The following ANKRD44 variants were observed in gnomAD, a reference collection of about 807,000 sequenced individuals.
The protein encoded by ANKRD44 is ankyrin repeat domain 44, also known as serine/threonine-protein phosphatase 6 regulatory ankyrin repeat subunit B.
ANKRD44 carries 35 observed loss-of-function variants against 116.0 expected under a neutral mutation model. That is an observed-to-expected ratio of 0.30 (90% CI 0.23 to 0.40). The LOEUF (loss-of-function observed/expected upper bound fraction) is 0.40. Ranked by LOEUF, ANKRD44 falls within the 10% of genes least tolerant of loss-of-function variation. ANKRD44 has a pLI of 1.00. For synonymous variants in ANKRD44, 435 were observed against 461.8 expected (o/e 0.94, Z 0.74); for missense variants, 1,014 against 1,242.6 (o/e 0.82, Z 2.77).
At chr2:197,106,791 A>AATAT (rs564262926) in intron 9 of ANKRD44, among the ~76,000 whole-genome samples, 15,227 of 127,204 alleles carry the variant, frequency 0.12, 1,254 homozygotes, top group Middle Eastern at 0.22. Context: ...CTCCGTCTCA[A>AATAT]ATATATATAT....
intron 2 of ANKRD44, among the ~76,000 whole-genome samples, chr2:197,185,400 C>T (rs73991242): frequency 0.064 from 9,804 of 152,274 alleles, 1,061 homozygotes; most frequent in African/African-American, 0.22. Flanking sequence ...ATTCAGCCGA[C>T]CAGACAGACG....
chr2:197,017,491 AT>A (rs1258702560), intron 17 of ANKRD44, among the ~76,000 whole-genome samples: 19 of 152,206 alleles, frequency 1.2e-4, no homozygotes, highest in Middle Eastern at 3.4e-3. Flanking sequence ...TACATTAAAT[AT>A]TTTTTTCTCA....
chr2:197,278,868 G>A (rs369165383), intron 1 of ANKRD44, among the ~76,000 whole-genome samples: 42 of 152,292 alleles, frequency 2.8e-4, no homozygotes, highest in African/African-American at 8.9e-4. Context: ...AGAAACAGGC[G>A]GTGTGGTCTG....
chr2:197,181,382 T>C (rs1282228752), intron 2 of ANKRD44, among the ~76,000 whole-genome samples: 1 of 152,228 alleles, frequency 6.6e-6, no homozygotes, highest in Non-Finnish European at 1.5e-5. Flanking sequence ...TTTGGTATGA[T>C]AATGTGTGTT....
chr2:197,302,877 T>C (rs1292958536), intron 1 of ANKRD44, among the ~76,000 whole-genome samples: 1 of 152,216 alleles, frequency 6.6e-6, no homozygotes, highest in Non-Finnish European at 1.5e-5. Flanking sequence ...TTCAATAAAA[T>C]AGGATTTTGC....
In ANKRD44 at chr2:196,988,604, T is replaced by C. The variant is rs906354704; in HGVS notation, c.*987A>G. On this transcript the variant is annotated 3_prime_UTR_variant, in exon 28 of 28. Coordinates refer to ENST00000282272, the MANE Select transcript of ANKRD44 (RefSeq NM_001195144.2). ...AGATGAAAAATATAATACAGTTATC[T>C]GTCTTTGATCCAGATATGATAGAAC... The C allele has an allele frequency of 5.1e-6, 5 of 984,254 alleles. No homozygotes were observed. The African/African-American group carries it at 8.7e-5, about 17-fold the overall frequency. The allele number at this position is 984,254 out of a possible 1,614,324, so 61.0% of individuals were successfully genotyped here.
intron 1 of ANKRD44, among the ~76,000 whole-genome samples, chr2:197,233,236 TG>T (rs2081907257): frequency 6.6e-6 from 1 of 152,214 alleles, no homozygotes; most frequent in Non-Finnish European, 1.5e-5. Context: ...GCAGCAATTA[TG>T]CTGCCTGTCT....
rs1055018772 is a variant in ANKRD44 at position 196,987,082 on chromosome 2, T to C, written c.*2509A>G. 2 of 984,780 alleles carry C rather than the reference T, an allele frequency of 2.0e-6. No individual in the cohort carries two copies. Among genetic ancestry groups the C allele is most frequent in the Non-Finnish European group, 2.4e-6 (2 of 829,438 alleles). The allele number at this position is 984,780 out of a possible 1,614,324, so 61.0% of individuals were successfully genotyped here. ...CCAAATAAAAGATATTTGCATTGAA[T>C]TTTTAGATCACATAAGAAACGCATA... On this transcript the variant is annotated 3_prime_UTR_variant, in exon 28 of 28. Transcript: ENST00000282272.
rs539421729 is a variant in ANKRD44 at position 196,989,605 on chromosome 2, G to A, written c.2968C>T (p.Gln990Ter). Residue 990 changes from glutamine to a stop codon, truncating the protein, a stop_gained, in exon 28 of 28, where the codon CAA becomes TAA. Coordinates refer to ENST00000282272, the MANE Select transcript of ANKRD44 (RefSeq NM_001195144.2). LOFTEE classifies it high-confidence loss of function. ...GPRSTPGTAV[Q>*]KEE ...TTTAAAGAGTCTCATTCTTCTTTTTGTACAGCGGTTCCAGGTGTGGAACGG... is the reference window on the plus strand; with the variant it reads ...TTTAAAGAGTCTCATTCTTCTTTTTATACAGCGGTTCCAGGTGTGGAACGG... The A allele has an allele frequency of 5.2e-6, 8 of 1,549,874 alleles. No individual in the cohort carries two copies. In the South Asian group the frequency reaches 8.3e-5, roughly 16 times the overall value.
intron 1 of ANKRD44, among the ~76,000 whole-genome samples, chr2:197,197,809 CAA>C (rs199994103): frequency 0.063 from 7,150 of 113,644 alleles, 493 homozygotes; most frequent in African/African-American, 0.26. Flanking sequence ...AATCCTGTCT[CAA>C]AAAAAAAAAA....
chr2:197,240,597 T>C (rs554422621), intron 1 of ANKRD44, among the ~76,000 whole-genome samples: 1 of 151,120 alleles, frequency 6.6e-6, no homozygotes, highest in Non-Finnish European at 1.5e-5. Context: ...TTGCTAGAGA[T>C]GCTTCCTCAC....
rs1417630272 is a variant in ANKRD44, at chr2:197,081,661, C to T, written c.1522G>A (p.Glu508Lys). The change falls in exon 15 of 28, where the codon GAA (glutamate) becomes AAA (lysine). Residue 508 changes from glutamate to lysine, a missense_variant. Coordinates refer to ENST00000282272, the MANE Select transcript of ANKRD44 (RefSeq NM_001195144.2). ...GAAACTTACAGTGTGGCTTCCTTTT[C>T]CTTCAGCTCCCTGGCTCTTTCAAGT... ...EELERARELK[E>K]KEATLCLEFL... 4.3e-6 allele frequency: 7 copies of T among 1,613,904 alleles called. No individual in the cohort carries two copies. The highest frequency in any genetic ancestry group is 5.9e-6 in the Non-Finnish European group (7 of 1,179,808).
At chr2:197,043,925 T>C (rs897286559) in intron 16 of ANKRD44, among the ~76,000 whole-genome samples, 4 of 152,220 alleles carry the variant, frequency 2.6e-5, no homozygotes, top group Admixed American at 6.5e-5. Context: ...TTATAAAATC[T>C]AGTGCCAAAA....
intron 1 of ANKRD44, among the ~76,000 whole-genome samples, chr2:197,276,113 T>C (rs1161084298): frequency 6.6e-6 from 1 of 151,342 alleles, no homozygotes; most frequent in Non-Finnish European, 1.5e-5. Flanking sequence ...CTGTCTCTAG[T>C]AAAAATAAAA....
At chr2:196,975,613 GTT>G (rs34870683) in intron 21 of ANKRD44, among the ~76,000 whole-genome samples, 5,699 of 144,750 alleles carry the variant, frequency 0.039, 153 homozygotes, top group Middle Eastern at 0.099. Flanking sequence ...GTGTCACACT[GTT>G]TTTTTTTTTT....
At chr2:197,038,821 G>A (rs961757702) in intron 16 of ANKRD44, among the ~76,000 whole-genome samples, 6 of 152,174 alleles carry the variant, frequency 3.9e-5, no homozygotes, top group Non-Finnish European at 7.3e-5. Flanking sequence ...ATAAGGCATC[G>A]TGGTTGCTAA....
chr2:197,197,540 G>T (rs1486917794), intron 1 of ANKRD44, among the ~76,000 whole-genome samples: 1 of 152,112 alleles, frequency 6.6e-6, no homozygotes, highest in Non-Finnish European at 1.5e-5. Flanking sequence ...GCCGGGCGCA[G>T]TAGCTCATGC....
intron 16 of ANKRD44, among the ~76,000 whole-genome samples, chr2:197,053,619 G>C (rs1351327557): frequency 6.6e-6 from 1 of 152,144 alleles, no homozygotes; most frequent in Non-Finnish European, 1.5e-5. Flanking sequence ...GAGTAGCTGG[G>C]ATTACAGGTG....
At chr2:197,225,528 G>C (rs1275425998) in intron 1 of ANKRD44, among the ~76,000 whole-genome samples, 1 of 152,138 alleles carries the variant, frequency 6.6e-6, no homozygotes, top group East Asian at 1.9e-4. Context: ...ATTTTTAGTA[G>C]AGAAAGGGTT....
Sources: allele counts gnomAD v4.1 joint callset (sites outside exome capture counted in the v4.1 genomes callset), GRCh38; gene constraint gnomAD v4.1.1; transcripts MANE v1.5; gene names NCBI Gene and HGNC (gene_info 2026-07-23, HGNC 2026-07-21).